LRP1B: variants seen among roughly 807,000 people sequenced by gnomAD.
The protein encoded by LRP1B is LDL receptor related protein 1B.
LRP1B carries 217 observed loss-of-function variants against 556.6 expected under a neutral mutation model. The ratio of observed to expected loss-of-function variants is 0.39; its 90% CI spans 0.35 to 0.44. The LOEUF (loss-of-function observed/expected upper bound fraction) is 0.44, where lower values mean the gene tolerates loss of function less well. LRP1B is among the 20% of genes least tolerant of loss of function. The probability of loss-of-function intolerance (pLI) is 1.00; values close to 1 mark genes in which losing one functional copy is unlikely to be tolerated. For synonymous variants in LRP1B, 2,047 were observed against 1,865.8 expected, an observed-to-expected ratio of 1.10 and a Z score of -2.50; for missense variants, 5,053 against 5,620.8, an observed-to-expected ratio of 0.90 and a Z score of 3.23.
intron 43 of LRP1B, among the ~76,000 whole-genome samples, chr2:140,568,041 A>G (rs1574088072): frequency 6.6e-6 from 1 of 152,284 alleles, no homozygotes; most frequent in East Asian, 1.9e-4. Flanking sequence ...AGAAGCACAG[A>G]CAACAAAGCA....
intron 41 of LRP1B, among the ~76,000 whole-genome samples, chr2:140,647,327 A>T (rs1457615145): frequency 6.6e-6 from 1 of 152,230 alleles, no homozygotes; most frequent in East Asian, 1.9e-4. Flanking sequence ...ATCATCAGTG[A>T]ACCATTGCAC....
At chr2:140,499,747 TA>T (rs140624722) in intron 55 of LRP1B, among the ~76,000 whole-genome samples, 4 of 151,794 alleles carry the variant, frequency 2.6e-5, no homozygotes, top group East Asian at 1.9e-4. Flanking sequence ...TAGAAACGTT[TA>T]AAAAATATTT....
At chr2:141,739,682 T>TG (rs1355683468) in intron 2 of LRP1B, among the ~76,000 whole-genome samples, 3 of 117,594 alleles carry the variant, frequency 2.6e-5, no homozygotes, top group East Asian at 2.0e-4. Context: ...TACTGGTTGT[T>TG]TTTTTTTTTT....
chr2:141,115,388 C>T lies in LRP1B; in HGVS notation c.1014-53115G>A, dbSNP rs534470389. Among the ~76,000 whole-genome samples, 27 of 151,884 alleles carry T rather than the reference C, an allele frequency of 1.8e-4. No homozygotes were observed. In the East Asian group the frequency reaches 5.2e-3, roughly 29 times the overall value. ...GCTACTAATTTTCTGAGGTTGCAGG[C>T]TCATCCCATTCCAAGAACATTCCAA... On this transcript the variant is annotated intron_variant, in intron 7 of 90. Coordinates refer to ENST00000389484, the MANE Select transcript of LRP1B (RefSeq NM_018557.3).
At chr2:142,000,165 A>T (rs946569024) in intron 1 of LRP1B, among the ~76,000 whole-genome samples, 5 of 152,118 alleles carry the variant, frequency 3.3e-5, no homozygotes, top group African/African-American at 1.2e-4. Flanking sequence ...ATATTGTATA[A>T]TAACGTGGCT....
intron 43 of LRP1B, among the ~76,000 whole-genome samples, chr2:140,580,011 T>C (rs1424348901): frequency 6.6e-6 from 1 of 152,128 alleles, no homozygotes; most frequent in African/African-American, 2.4e-5. Context: ...TTTCTGTCCA[T>C]GTGAACTAAC....
chr2:141,788,336 G>T (rs1695492683), intron 2 of LRP1B, among the ~76,000 whole-genome samples: 1 of 151,908 alleles, frequency 6.6e-6, no homozygotes, highest in Non-Finnish European at 1.5e-5. Context: ...GCATGTTTCT[G>T]CTAGAGTCCC....
intron 3 of LRP1B, among the ~76,000 whole-genome samples, chr2:141,453,690 G>C (rs557989472): frequency 1.3e-5 from 2 of 152,262 alleles, no homozygotes; most frequent in East Asian, 3.9e-4. Context: ...AGCCGAGGCA[G>C]GTGGATGTCC....
At chr2:142,122,730 C>T (rs1294938170) in intron 1 of LRP1B, among the ~76,000 whole-genome samples, 5 of 151,922 alleles carry the variant, frequency 3.3e-5, no homozygotes, top group Admixed American at 6.6e-5. Context: ...ATCTCACTCA[C>T]GAGGTGGTGT....
chr2:140,596,484 C>G (rs890654160), intron 43 of LRP1B, among the ~76,000 whole-genome samples: 1 of 152,016 alleles, frequency 6.6e-6, no homozygotes, highest in Non-Finnish European at 1.5e-5. Flanking sequence ...ACTTGGTTTA[C>G]TACGTAAATC....
chr2:141,677,344 A>C (rs164975), intron 2 of LRP1B, among the ~76,000 whole-genome samples: 89,533 of 151,928 alleles, frequency 0.59, 26,714 homozygotes, highest in East Asian at 0.76. Context: ...ATGTTAAACC[A>C]TATTGTGCAA....
At chr2:140,273,251 G>A (rs1220245503) in intron 85 of LRP1B, among the ~76,000 whole-genome samples, 4 of 151,776 alleles carry the variant, frequency 2.6e-5, no homozygotes, top group Middle Eastern at 3.2e-3. Context: ...AGAGAACAAT[G>A]TACGCTCACT....
chr2:141,471,268 A>ATGTTTTTTTTTTTTTTTTTT (rs1553518973), intron 3 of LRP1B, among the ~76,000 whole-genome samples: 2 of 31,890 alleles, frequency 6.3e-5, no homozygotes, highest in Non-Finnish European at 7.9e-5. Flanking sequence ...ATACCCTGGT[A>ATGTTTTTTTTTTTTTTTTTT]TTTTTTTTTT....
At position 142,005,213 on chromosome 2, in the gene LRP1B, C is replaced by T. The variant is rs536552043; in HGVS notation, c.82+125435G>A. Among the ~76,000 whole-genome samples, 133 of 151,294 alleles carry T rather than the reference C, an allele frequency of 8.8e-4. 3 individuals are homozygous for T. Among genetic ancestry groups the T allele is most frequent in the South Asian group, 1.2e-3 (6 of 4,806 alleles). On this transcript the variant is annotated intron_variant, in intron 1 of 90. Coordinates refer to ENST00000389484, the MANE Select transcript of LRP1B (RefSeq NM_018557.3). Reference sequence around the variant, plus strand: ...CTATATATATTTAGTGCAGACCACTCGGTTCAAAAATGTACAATTAGCTAT... The same window carrying T: ...CTATATATATTTAGTGCAGACCACTTGGTTCAAAAATGTACAATTAGCTAT...
At chr2:140,806,833 C>A (rs1690734560) in intron 32 of LRP1B, among the ~76,000 whole-genome samples, 1 of 152,158 alleles carries the variant, frequency 6.6e-6, no homozygotes, top group Admixed American at 6.5e-5. Context: ...TGAATTCCGT[C>A]ATAATTTTCA....
chr2:141,294,849 T>C (rs1686121657), intron 3 of LRP1B, among the ~76,000 whole-genome samples: 3 of 152,142 alleles, frequency 2.0e-5, no homozygotes, highest in South Asian at 2.1e-4. Context: ...TTTATTTCTA[T>C]TTTCCATAAT....
chr2:141,951,795 A>T (rs1258957450), intron 1 of LRP1B, among the ~76,000 whole-genome samples: 3 of 152,104 alleles, frequency 2.0e-5, no homozygotes, highest in African/African-American at 7.2e-5. Flanking sequence ...TAAAAACTAG[A>T]TGAGCTTTGA....
At chr2:141,932,145 T>C (rs779666108) in intron 1 of LRP1B, among the ~76,000 whole-genome samples, 9 of 151,982 alleles carry the variant, frequency 5.9e-5, no homozygotes, top group Non-Finnish European at 1.2e-4. Context: ...ACAACCTCAA[T>C]TTTCAGTTCA....
At chr2:141,864,037 C>A (rs1319226134) in intron 1 of LRP1B, among the ~76,000 whole-genome samples, 1 of 151,880 alleles carries the variant, frequency 6.6e-6, no homozygotes, top group Non-Finnish European at 1.5e-5. Context: ...CAGCTGTAAA[C>A]AAGGAAACAG....
Sources: allele counts gnomAD v4.1 joint callset (sites outside exome capture counted in the v4.1 genomes callset), GRCh38; gene constraint gnomAD v4.1.1; transcripts MANE v1.5; gene names NCBI Gene and HGNC (gene_info 2026-07-23, HGNC 2026-07-21).